The following PECR variants were observed in gnomAD, a reference collection of about 807,000 sequenced individuals.
The protein encoded by PECR is 2,4-dienoyl-CoA reductase-related protein.
Under a neutral mutation model 35.3 loss-of-function variants are expected in PECR, and 30 were observed. That is an observed-to-expected ratio of 0.85 (90% CI 0.64 to 1.15). PECR has a LOEUF of 1.15. Ranked by LOEUF, PECR falls within the 50% of genes most tolerant of loss-of-function variation. The pLI is 0.00. For missense variants in PECR, 392 were observed against 370.8 expected (o/e 1.06, Z -0.47); for synonymous variants, 148 against 138.9 (o/e 1.07, Z -0.46).
intron 1 of PECR, among the ~76,000 whole-genome samples, chr2:216,077,921 GTCT>G (rs1282113905): frequency 4.7e-5 from 7 of 149,774 alleles, no homozygotes; most frequent in Non-Finnish European, 1.0e-4. Flanking sequence ...AATTAAAATT[GTCT>G]TCGTCTTTTA....
At chr2:216,047,868 T>TATGCCCCTAATCTGGTCTTTTTG (rs752946914) in intron 6 of PECR, among the ~76,000 whole-genome samples, 1 of 152,160 alleles carries the variant, frequency 6.6e-6, no homozygotes, top group Non-Finnish European at 1.5e-5. Context: ...AGGAATATTA[T>TATGCCCCTAATCTGGTCTTTTTG]ATGCCCCTAA....
At position 216,043,061 on chromosome 2, in the gene PECR, A is replaced by G. The variant is rs1694923864; in HGVS notation, c.826+843T>C. On this transcript the variant is annotated intron_variant, in intron 7 of 7. Coordinates refer to ENST00000265322, the MANE Select transcript of PECR (RefSeq NM_018441.6). ...TGTGTATATATATATACACATACGT[A>G]TATATGTATGTATATATATACACAT... is the stretch of plus-strand genomic sequence containing the variant. 4.8e-5 allele frequency among the ~76,000 whole-genome samples: 3 copies of G among 62,566 alleles called. 1 individual carries two copies. The highest frequency in any genetic ancestry group is 2.3e-4 in the African/African-American group (3 of 13,122). The allele number at this position is 62,566 out of a possible 152,430, so 41.0% of individuals were successfully genotyped here.
intron 2 of PECR, among the ~76,000 whole-genome samples, chr2:216,065,998 C>G (rs925532168): frequency 2.0e-4 from 30 of 152,136 alleles, no homozygotes; most frequent in African/African-American, 7.2e-4. Context: ...GTGGCATGCA[C>G]CTATAGTCCC....
At chr2:216,039,679 CAATA>C (rs1258703858) in intron 7 of PECR, among the ~76,000 whole-genome samples, 2 of 152,186 alleles carry the variant, frequency 1.3e-5, no homozygotes, top group Admixed American at 1.3e-4. Flanking sequence ...TGTGGATCGT[CAATA>C]AATAGTGTCT....
At chr2:216,043,018 C>CAT (rs1694919823) in intron 7 of PECR, among the ~76,000 whole-genome samples, 6 of 131,996 alleles carry the variant, frequency 4.5e-5, no homozygotes, top group Non-Finnish European at 9.8e-5. Context: ...TATATATATA[C>CAT]ACATACGTAT....
chr2:216,048,288 G>A (rs894624010), intron 6 of PECR, among the ~76,000 whole-genome samples: 1 of 151,140 alleles, frequency 6.6e-6, no homozygotes, highest in Non-Finnish European at 1.5e-5. Context: ...TGTTAGCCAG[G>A]ATGGTCTCGA....
chr2:216,033,105 G>A (rs777369397), intron 7 of PECR: 11 of 152,132 alleles, frequency 7.2e-5, no homozygotes, highest in South Asian at 2.1e-4. Context: ...CCAAGATTGA[G>A]AGACTAGTAG....
chr2:216,043,510 C>T (rs933452490), intron 7 of PECR, among the ~76,000 whole-genome samples: 3 of 151,998 alleles, frequency 2.0e-5, no homozygotes, highest in African/African-American at 7.3e-5. Context: ...ACCATAGCAC[C>T]CCACCCCACC....
intron 4 of PECR, 131 bp downstream of exon 4, chr2:216,058,764 G>A: frequency 4.8e-6 from 3 of 629,162 alleles, no homozygotes; most frequent in Middle Eastern, 3.6e-4. Flanking sequence ...AAAATAAAAT[G>A]TTAACTGTTA....
chr2:216,066,604 G>A, intron 1 of PECR, 86 bp from the exon 2 acceptor site: 1 of 1,245,942 alleles, frequency 8.0e-7, no homozygotes. Flanking sequence ...AACCGCCAGG[G>A]AACAAATAAA....
chr2:216,044,403 C>T (rs1694953732), intron 6 of PECR, among the ~76,000 whole-genome samples: 1 of 152,188 alleles, frequency 6.6e-6, no homozygotes, highest in African/African-American at 2.4e-5. Context: ...ATCACTACCT[C>T]GTGCCTTTTA....
intron 3 of PECR, among the ~76,000 whole-genome samples, chr2:216,063,191 T>G (rs926993879): frequency 6.6e-6 from 1 of 152,254 alleles, no homozygotes; most frequent in African/African-American, 2.4e-5. Flanking sequence ...TTCATGTTAA[T>G]GAGTACATTT....
chr2:216,031,435 A>G (rs941814204), intron 7 of PECR, among the ~76,000 whole-genome samples: 3 of 142,972 alleles, frequency 2.1e-5, no homozygotes, highest in Non-Finnish European at 3.0e-5. Flanking sequence ...AAAGAAAAGA[A>G]AGAAAGAAAA....
downstream of PECR, among the ~76,000 whole-genome samples, chr2:216,034,744 G>A (rs992848881): frequency 4.6e-5 from 7 of 152,152 alleles, no homozygotes; most frequent in Admixed American, 1.3e-4. Flanking sequence ...ATGAGCCCAG[G>A]GGAGTGGGCG....
rs1258917014 is a variant in PECR at position 216,081,706 on chromosome 2, C to A, written c.36G>T (p.Ala12=). The A allele has an allele frequency of 1.9e-6, 3 of 1,613,454 alleles. No individual in the cohort carries two copies. The highest frequency in any genetic ancestry group is 2.2e-5 in the East Asian group (1 of 44,892). Residue 12 remains alanine, a synonymous_variant, in exon 1 of 8, where the codon GCG becomes GCT. Transcript: ENST00000265322. ...CCACTTGGCCCTGCAGCAAACCAGG[C>A]GCCAGGTAGCTCCTGCCCTTAGCCC... ...ASWAKGRSYL[A]PGLLQGQVAI...
At chr2:216,031,501 AAGAG>A (rs1169736049) in intron 7 of PECR, among the ~76,000 whole-genome samples, 1 of 130,644 alleles carries the variant, frequency 7.7e-6, no homozygotes. Context: ...AAGAGAAAGA[AAGAG>A]AGAAAGGAAG....
At chr2:216,078,413 A>C (rs958010216) in intron 1 of PECR, among the ~76,000 whole-genome samples, 1 of 151,920 alleles carries the variant, frequency 6.6e-6, no homozygotes, top group Non-Finnish European at 1.5e-5. Flanking sequence ...GGGATGGATC[A>C]TAAGGTCAGG....
At chr2:216,057,749 A>G (rs1034790493) in intron 4 of PECR, 1 of 152,138 alleles carries the variant, frequency 6.6e-6, no homozygotes, top group Non-Finnish European at 1.5e-5. Context: ...GATGATGACC[A>G]CAGTTCCTCA....
intron 1 of PECR, among the ~76,000 whole-genome samples, chr2:216,080,128 C>A (rs1695802751): frequency 6.6e-6 from 1 of 152,034 alleles, no homozygotes; most frequent in African/African-American, 2.4e-5. Context: ...GTTGCCCAGG[C>A]TGGAGTGCAG....
Sources: gnomAD v4.1 joint callset for allele counts (sites outside exome capture counted in the v4.1 genomes callset) on GRCh38, gnomAD v4.1.1 for gene constraint, MANE v1.5 for transcripts, NCBI Gene and HGNC (gene_info 2026-07-23, HGNC 2026-07-21) for gene names.